SEC22C: variants seen among roughly 807,000 people sequenced by gnomAD.
SEC22C encodes vesicle-trafficking protein SEC22c.
SEC22C carries 29 observed loss-of-function variants against 34.7 expected under a neutral mutation model. That is an observed-to-expected ratio of 0.84 (90% confidence interval 0.62 to 1.14). The LOEUF is 1.14. Among genes scored for constraint, SEC22C ranks in the 50% most tolerant of loss-of-function variants. SEC22C has a pLI of 0.00. For missense variants in SEC22C, 337 were observed against 369.0 expected (o/e 0.91, Z 0.71); for synonymous variants, 117 against 132.8 (o/e 0.88, Z 0.82).
At chr3:42,556,613 T>C (rs1320580849) in intron 5 of SEC22C, among the ~76,000 whole-genome samples, 1 of 152,272 alleles carries the variant, frequency 6.6e-6, no homozygotes, top group African/African-American at 2.4e-5. Flanking sequence ...ACAACAGTCA[T>C]GCTTCAGACT....
In SEC22C at chr3:42,548,939, A is replaced by C; in HGVS notation, c.*4309T>G. ...CCCTCCACTACCACTTTTGACCCTC[A>C]TAACAGCACCCTGGCGGGGGGGCAG... is the stretch of plus-strand genomic sequence containing the variant. On this transcript the variant is annotated 3_prime_UTR_variant, in exon 7 of 7. Coordinates refer to ENST00000264454, the MANE Select transcript of SEC22C (RefSeq NM_032970.4). 6 of 1,226,248 alleles carry C rather than the reference A, an allele frequency of 4.9e-6. No homozygotes were observed. The highest frequency in any genetic ancestry group is 2.8e-5 in the South Asian group (1 of 35,938). 76.0% of individuals were successfully genotyped at this position (1,226,248 alleles called of 1,614,324 possible). A position where few individuals can be genotyped will look rare whatever the true frequency, so the allele number is the denominator to read the frequency against.
rs140799644 is a variant in SEC22C at position 42,565,914 on chromosome 3, G to A, written c.183-2228C>T. On this transcript the variant is annotated intron_variant, in intron 2 of 6. Coordinates refer to ENST00000264454, the MANE Select transcript of SEC22C (RefSeq NM_032970.4). ...AGAAAAGAAAGTCTATTTCCTCTGC[G>A]AAAATAATGGTAAATATTTAATTCA... 9.1e-4 allele frequency: 413 copies of A among 454,838 alleles called. 1 individual carries two copies. The highest frequency in any genetic ancestry group is 7.4e-3 in the African/African-American group (368 of 50,066). 28.2% of individuals were successfully genotyped at this position (454,838 alleles called of 1,614,324 possible).
intron 3 of SEC22C, among the ~76,000 whole-genome samples, 198 bp from the exon 4 acceptor site, chr3:42,561,494 G>A (rs1279683670): frequency 6.6e-6 from 1 of 152,044 alleles, no homozygotes; most frequent in Non-Finnish European, 1.5e-5. Flanking sequence ...TCCCACCTAA[G>A]CCTCCCAAGT....
chr3:42,550,277 T>C lies in SEC22C; in HGVS notation c.*2971A>G. 1.0e-6 allele frequency: 1 copy of C among 985,462 alleles called. No homozygotes were observed. Among genetic ancestry groups the C allele is most frequent in the Non-Finnish European group, 1.2e-6 (1 of 829,948 alleles). The allele number at this position is 985,462 out of a possible 1,614,324, so 61.0% of individuals were successfully genotyped here. On this transcript the variant is annotated 3_prime_UTR_variant, in exon 7 of 7. Coordinates refer to ENST00000264454, the MANE Select transcript of SEC22C (RefSeq NM_032970.4). ...TCATCTATTCCCAGATCTAGTCCAG[T>C]GATGTCAGCTGCACAGGTAGCATTT...
intron 4 of SEC22C, among the ~76,000 whole-genome samples, chr3:42,558,200 A>T (rs1386223512): frequency 6.6e-6 from 1 of 152,030 alleles, no homozygotes; most frequent in Admixed American, 6.6e-5. Flanking sequence ...AAATCCTAAA[A>T]CAATTTTTGG....
At chr3:42,593,444 TATGG>T (rs1343829895) in intron 1 of SEC22C, among the ~76,000 whole-genome samples, 2 of 152,064 alleles carry the variant, frequency 1.3e-5, no homozygotes, top group East Asian at 3.9e-4. Flanking sequence ...AAGTATATGA[TATGG>T]AAGGCTGTGT....
intron 2 of SEC22C, among the ~76,000 whole-genome samples, chr3:42,565,180 C>T (rs897977827): frequency 1.3e-5 from 2 of 152,158 alleles, no homozygotes; most frequent in Admixed American, 1.3e-4. Context: ...ATTCTGCCCC[C>T]CTTTCATTTC....
intron 2 of SEC22C, among the ~76,000 whole-genome samples, chr3:42,567,939 G>A (rs185230735): frequency 5.2e-4 from 79 of 152,220 alleles, no homozygotes; most frequent in African/African-American, 1.8e-3. Flanking sequence ...GGGCGTGGTG[G>A]TAGGTGCCTA....
Position 42,594,376 on chromosome 3 carries a change from T to C in SEC22C, c.-28+6584A>G, listed in dbSNP as rs955887754. ...TTATTTTCCAGTTTTTTGTTCATGG[T>C]CGGTAAAAACAAGCCTCTGATTTTT... On this transcript the variant is annotated intron_variant, in intron 1 of 6. Coordinates refer to the SEC22C transcript ENST00000417572. 4 of 1,484,996 alleles carry C rather than the reference T, an allele frequency of 2.7e-6. No individual in the cohort carries two copies. In the African/African-American group the frequency reaches 5.5e-5, roughly 21 times the overall value. 92.0% of individuals were successfully genotyped at this position (1,484,996 alleles called of 1,614,324 possible). A position where few individuals can be genotyped will look rare whatever the true frequency, so the allele number is the denominator to read the frequency against.
At chr3:42,553,581 C>A in intron 6 of SEC22C, 133 bp from the exon 7 acceptor site, 1 of 1,343,008 alleles carries the variant, frequency 7.4e-7, no homozygotes, top group Non-Finnish European at 1.0e-6. Flanking sequence ...GAATTCATTA[C>A]AGTAAAGCGT....
Position 42,548,908 on chromosome 3 carries a change from G to C in SEC22C, c.*4340C>G. The stretch of plus-strand genomic sequence containing the variant: ...CTCCCACACACAATGGACTCACCCA[G>C]TATTACCCTCCACTACCACTTTTGA... On this transcript the variant is annotated 3_prime_UTR_variant, in exon 7 of 7. Transcript: ENST00000264454. 1 of 1,319,122 alleles carries C rather than the reference G, an allele frequency of 7.6e-7. No homozygotes were observed. Among genetic ancestry groups the C allele is most frequent in the Non-Finnish European group, 9.7e-7 (1 of 1,030,496 alleles). 81.7% of individuals were successfully genotyped at this position (1,319,122 alleles called of 1,614,324 possible).
At chr3:42,588,276 T>C (rs1420809999) in intron 1 of SEC22C, among the ~76,000 whole-genome samples, 1 of 150,472 alleles carries the variant, frequency 6.6e-6, no homozygotes, top group Non-Finnish European at 1.5e-5. Flanking sequence ...TGGTGGCTTA[T>C]GCCTGTAGTC....
At position 42,550,292 on chromosome 3, in the gene SEC22C, A is replaced by G; in HGVS notation, c.*2956T>C. On this transcript the variant is annotated 3_prime_UTR_variant, in exon 7 of 7. Transcript: ENST00000264454. ...TCTAGTCCAGTGATGTCAGCTGCACAGGTAGCATTTAACTACTGGGAAAAC... is the reference window on the plus strand; with the variant it reads ...TCTAGTCCAGTGATGTCAGCTGCACGGGTAGCATTTAACTACTGGGAAAAC... The G allele has an allele frequency of 1.0e-6, 1 of 985,466 alleles. No homozygotes were observed. Among genetic ancestry groups the G allele is most frequent in the Non-Finnish European group, 1.2e-6 (1 of 829,944 alleles). The allele number at this position is 985,466 out of a possible 1,614,324, so 61.0% of individuals were successfully genotyped here.
intron 2 of SEC22C, chr3:42,564,158 A>C: frequency 3.2e-6 from 1 of 315,804 alleles, no homozygotes; most frequent in Non-Finnish European, 6.1e-6. Context: ...TATGCAAATA[A>C]GACTGGCCTA....
intron 1 of SEC22C, among the ~76,000 whole-genome samples, chr3:42,575,487 T>A (rs1465371491): frequency 6.6e-6 from 1 of 152,120 alleles, no homozygotes; most frequent in Non-Finnish European, 1.5e-5. Context: ...TATATTATCA[T>A]CAGATAGACT....
chr3:42,591,568 A>G (rs1704845380), intron 1 of SEC22C: 3 of 1,614,020 alleles, frequency 1.9e-6, no homozygotes, highest in Admixed American at 1.7e-5. Context: ...ATTGTGGAGT[A>G]TCAGAACAAG....
At chr3:42,578,093 C>A (rs566046540) in intron 1 of SEC22C, among the ~76,000 whole-genome samples, 1 of 152,216 alleles carries the variant, frequency 6.6e-6, no homozygotes, top group African/African-American at 2.4e-5. Flanking sequence ...TTTGTGTCTA[C>A]ACGAAAACCT....
At chr3:42,590,790 TCTGTACCCCGCC>T in intron 1 of SEC22C, 1 of 1,174,876 alleles carries the variant, frequency 8.5e-7, no homozygotes, top group Admixed American at 1.7e-5. Context: ...TGACGTCCCT[TCTGTACCCCGCC>T]CTGTAGGCGG....
intron 4 of SEC22C, among the ~76,000 whole-genome samples, chr3:42,558,710 T>C (rs1487410549): frequency 6.6e-6 from 1 of 152,020 alleles, no homozygotes; most frequent in Non-Finnish European, 1.5e-5. Flanking sequence ...GAGGATAGCT[T>C]GAGCCCTGGA....
Sources: gnomAD v4.1 joint callset for allele counts (sites outside exome capture counted in the v4.1 genomes callset) on GRCh38, gnomAD v4.1.1 for gene constraint, MANE v1.5 for transcripts, NCBI Gene and HGNC (gene_info 2026-07-23, HGNC 2026-07-21) for gene names.